The following FKBP15 variants were observed in gnomAD, a reference collection of about 807,000 sequenced individuals.
The protein encoded by FKBP15 is FKBP prolyl isomerase family member 15.
In FKBP15, 106 loss-of-function variants were observed where a neutral mutation model predicts 158.1. The ratio of observed to expected loss-of-function variants is 0.67; its 90% CI spans 0.57 to 0.79. FKBP15 has a LOEUF of 0.79. FKBP15 is among the 30% of genes least tolerant of loss of function. The pLI is 0.00. For missense variants in FKBP15, 1,287 were observed against 1,479.1 expected (o/e 0.87, Z 2.13); for synonymous variants, 547 against 548.6 (o/e 1.00, Z 0.04).
chr9:113,174,631 T>C (rs778482552), intron 21 of FKBP15, 48 bp from the exon 22 acceptor site: 1 of 1,561,352 alleles, frequency 6.4e-7, no homozygotes. Flanking sequence ...TAACAGAGAA[T>C]AAAGAGGGAT....
Position 113,184,395 on chromosome 9 carries a change from TC to T in FKBP15, c.1612del (p.Glu538LysfsTer25). 1 of 1,596,630 alleles carries T rather than the reference TC, an allele frequency of 6.3e-7. No homozygotes were observed. Among genetic ancestry groups the T allele is most frequent in the Non-Finnish European group, 8.6e-7 (1 of 1,169,014 alleles). On this transcript the variant is annotated frameshift_variant, in exon 17 of 28. Coordinates refer to ENST00000238256, the MANE Select transcript of FKBP15 (RefSeq NM_015258.2). LOFTEE classifies it high-confidence loss of function. This position sits in a 1 kb window ranked among gnomAD's most constrained non-coding sequence, Gnocchi z 4.5. ...GCCAGCACTATGTTTCTGTAACTCT[TC>T]AACCTACAAAAGGGATACCAGAAAG... ...DKMDHLMTKVEELQKHSAGNS... is the reference protein window; with the variant it reads ...DKMDHLMTKVXELQKHSAGNS...
At chr9:113,215,554 A>ATG (rs976439603) in intron 1 of FKBP15, among the ~76,000 whole-genome samples, 1 of 149,490 alleles carries the variant, frequency 6.7e-6, no homozygotes. Flanking sequence ...CAGAGGATAT[A>ATG]TGTGTGTGTA....
chr9:113,176,278 G>A (rs1036077288), intron 21 of FKBP15, among the ~76,000 whole-genome samples: 2 of 152,132 alleles, frequency 1.3e-5, no homozygotes, highest in African/African-American at 4.8e-5. Flanking sequence ...AAAAAAAGTT[G>A]TCAGTATACA....
Position 113,182,799 on chromosome 9 carries a change from T to G in FKBP15, c.1881A>C (p.Thr627=). ...NNSLQTATEN[T]QARVLHAEQE... Reference sequence around the variant, plus strand: ...GTTCAGCATGCAATACTCTTGCCTGTGTGTTTTCTGTGGCTGTCTGAAGTG... The same window carrying G: ...GTTCAGCATGCAATACTCTTGCCTGGGTGTTTTCTGTGGCTGTCTGAAGTG... The change falls in exon 19 of 28, where the codon ACA becomes ACC. Residue 627 remains threonine (T), a synonymous_variant. Coordinates refer to ENST00000238256, the MANE Select transcript of FKBP15 (RefSeq NM_015258.2). The G allele has an allele frequency of 6.2e-7, 1 of 1,613,810 alleles. No individual in the cohort carries two copies. The highest frequency in any genetic ancestry group is 8.5e-7 in the Non-Finnish European group (1 of 1,179,728).
intron 6 of FKBP15, among the ~76,000 whole-genome samples, chr9:113,200,954 G>C (rs1204523468): frequency 6.7e-6 from 1 of 150,104 alleles, no homozygotes; most frequent in African/African-American, 2.5e-5. Context: ...TGGGGCAGAA[G>C]AATCGCTTGA....
intron 2 of FKBP15, among the ~76,000 whole-genome samples, chr9:113,207,519 T>C (rs545339271): frequency 3.4e-4 from 51 of 151,858 alleles, no homozygotes; most frequent in African/African-American, 1.2e-3. Context: ...TTTGTATTTT[T>C]AGTAGAGATG....
chr9:113,193,709 T>C (rs571898911), intron 10 of FKBP15, among the ~76,000 whole-genome samples, 160 bp from the exon 11 acceptor site: 3 of 152,392 alleles, frequency 2.0e-5, no homozygotes, highest in African/African-American at 7.2e-5. Context: ...CTTTGAATGC[T>C]AGTAAAGATG....
intron 1 of FKBP15, among the ~76,000 whole-genome samples, chr9:113,217,840 C>G (rs1220010563): frequency 6.6e-6 from 1 of 151,826 alleles, no homozygotes; most frequent in African/African-American, 2.4e-5. Flanking sequence ...AACCCTGTCT[C>G]AAAAAAATAA....
At chr9:113,171,228 C>A (rs953638667) in intron 24 of FKBP15, among the ~76,000 whole-genome samples, 2 of 152,136 alleles carry the variant, frequency 1.3e-5, no homozygotes, top group African/African-American at 4.8e-5. Flanking sequence ...GAGACCGAGA[C>A]CATCCTGGCC....
At chr9:113,180,890 C>T (rs1016943293) in intron 19 of FKBP15, among the ~76,000 whole-genome samples, 1 of 152,154 alleles carries the variant, frequency 6.6e-6, no homozygotes, top group African/African-American at 2.4e-5. Context: ...CTTAACCATA[C>T]TTTTCTGAGC....
At chr9:113,180,068 C>T (rs1002058375) in intron 19 of FKBP15, among the ~76,000 whole-genome samples, 9 of 152,190 alleles carry the variant, frequency 5.9e-5, no homozygotes, top group Non-Finnish European at 1.2e-4. Context: ...ACATGCACCT[C>T]TCTCATAAGG....
chr9:113,171,846 CTTTT>C (rs75591594), intron 23 of FKBP15, 140 bp from the exon 24 acceptor site: 16 of 670,554 alleles, frequency 2.4e-5, no homozygotes, highest in African/African-American at 1.1e-4. Flanking sequence ...ATTTCAAATT[CTTTT>C]TTTTTATTAT....
At chr9:113,190,951 G>A (rs1417052952) in intron 11 of FKBP15, among the ~76,000 whole-genome samples, 7 of 152,076 alleles carry the variant, frequency 4.6e-5, no homozygotes, top group South Asian at 4.1e-4. Flanking sequence ...GAAGCAATTC[G>A]GTAGATAATT....
chr9:113,203,908 A>G (rs777648765), intron 4 of FKBP15, among the ~76,000 whole-genome samples: 1 of 152,202 alleles, frequency 6.6e-6, no homozygotes, highest in African/African-American at 2.4e-5. Flanking sequence ...CACCGTATCT[A>G]TAAGAGTAAG....
intron 5 of FKBP15, 51 bp from the exon 6 acceptor site, chr9:113,202,680 TA>T: frequency 7.1e-7 from 1 of 1,403,788 alleles, no homozygotes. Context: ...TTATACCAGA[TA>T]AACATGACGG....
intron 1 of FKBP15, among the ~76,000 whole-genome samples, chr9:113,218,630 G>A (rs907560236): frequency 1.3e-5 from 2 of 151,948 alleles, no homozygotes; most frequent in Non-Finnish European, 2.9e-5. Context: ...TGATTGACAC[G>A]GAAGTTGACC....
Position 113,161,598 on chromosome 9 carries a change from C to A in FKBP15, c.*4480G>T. 6.2e-7 allele frequency: 1 copy of A among 1,614,024 alleles called. No homozygotes were observed. The highest frequency in any genetic ancestry group is 8.5e-7 in the Non-Finnish European group (1 of 1,179,882). On this transcript the variant is annotated 3_prime_UTR_variant, in exon 28 of 28. Transcript: ENST00000238256. ...CAAAGCCAAGCTGCTCAACCAGGTA[C>A]TGGTGAACCTGCCAACCTCCATCAG...
rs1230114561 is a variant in FKBP15, at chr9:113,173,612, A to G, written c.2380-7T>C. 2 of 1,613,086 alleles carry G rather than the reference A, an allele frequency of 1.2e-6. No individual in the cohort carries two copies. ...CAGCCTGTACTAAAGACAGCTGCCA[A>G]GAGAAAGTAATGACCATATCATCCT... On this transcript the variant is annotated splice_region_variant and splice_polypyrimidine_tract_variant and intron_variant, in intron 22 of 27. Coordinates refer to ENST00000238256, the MANE Select transcript of FKBP15 (RefSeq NM_015258.2).
Position 113,202,528 on chromosome 9 carries a change from C to A in FKBP15, c.498+3G>T. 6.4e-7 allele frequency: 1 copy of A among 1,567,324 alleles called. No homozygotes were observed. Among genetic ancestry groups the A allele is most frequent in the East Asian group, 2.3e-5 (1 of 43,108 alleles). ...TTTCACAGGGAGAGTAAGATGTTATCACCTGCTTATTGAACTCCACAGCAG... is the reference window on the plus strand; with the variant it reads ...TTTCACAGGGAGAGTAAGATGTTATAACCTGCTTATTGAACTCCACAGCAG... On this transcript the variant is annotated splice_donor_region_variant and intron_variant, in intron 6 of 27. Transcript: ENST00000238256.
Sources: gnomAD v4.1 joint callset for allele counts (sites outside exome capture counted in the v4.1 genomes callset) on GRCh38, gnomAD v4.1.1 for gene constraint, Gnocchi (gnomAD v3.1) non-coding constraint, MANE v1.5 for transcripts, NCBI Gene and HGNC (gene_info 2026-07-23, HGNC 2026-07-21) for gene names.